Variants in EYA1 observed in about 807,000 individuals in gnomAD.
The protein encoded by EYA1 is EYA transcriptional coactivator and phosphatase 1, also known as protein phosphatase EYA1.
A neutral mutation model predicts 82.0 loss-of-function variants in EYA1; 16 were observed. The ratio of observed to expected loss-of-function variants is 0.20; its 90% CI spans 0.13 to 0.30. The LOEUF (loss-of-function observed/expected upper bound fraction) is 0.30. EYA1 is among the 10% of genes least tolerant of loss of function. The probability of loss-of-function intolerance (pLI) is 1.00; values close to 1 mark genes in which losing one functional copy is unlikely to be tolerated. For synonymous variants in EYA1, 261 were observed against 264.4 expected (o/e 0.99, Z 0.12); for missense variants, 633 against 730.7 (o/e 0.87, Z 1.54).
intron 11 of EYA1, among the ~76,000 whole-genome samples, chr8:71,264,692 C>T (rs1327117474): frequency 6.6e-6 from 1 of 151,862 alleles, no homozygotes; most frequent in Admixed American, 6.6e-5. Flanking sequence ...ATCCTCCTAC[C>T]TCAGCCCTCC....
chr8:71,339,384 C>A (rs552063457), intron 3 of EYA1, among the ~76,000 whole-genome samples: 1 of 152,282 alleles, frequency 6.6e-6, no homozygotes, highest in South Asian at 2.1e-4. Context: ...AGAACAGGTG[C>A]CATACATGCT....
chr8:71,432,789 G>A (rs1277590694), intron 2 of EYA1, among the ~76,000 whole-genome samples: 1 of 152,156 alleles, frequency 6.6e-6, no homozygotes, highest in Non-Finnish European at 1.5e-5. Flanking sequence ...CCTAACAGAT[G>A]CCTTTGAGTA....
At chr8:71,523,520 C>G (rs1478333227) in intron 2 of EYA1, among the ~76,000 whole-genome samples, 1 of 152,180 alleles carries the variant, frequency 6.6e-6, no homozygotes, top group Non-Finnish European at 1.5e-5. Flanking sequence ...GTGAAAGCCA[C>G]TAACCTCAGT....
At chr8:71,369,570 T>G (rs547374707) in intron 2 of EYA1, among the ~76,000 whole-genome samples, 6 of 152,356 alleles carry the variant, frequency 3.9e-5, no homozygotes, top group African/African-American at 1.2e-4. Flanking sequence ...ACTGCTATGG[T>G]AAAGCTCCCA....
intron 2 of EYA1, among the ~76,000 whole-genome samples, chr8:71,392,641 C>T (rs1829346309): frequency 6.6e-6 from 1 of 152,142 alleles, no homozygotes; most frequent in South Asian, 2.1e-4. Context: ...AATAATCATT[C>T]TCACCTGCTG....
At chr8:71,322,557 T>C (rs1301584797) in intron 4 of EYA1, 1 of 418,224 alleles carries the variant, frequency 2.4e-6, no homozygotes, top group Non-Finnish European at 4.5e-6. Context: ...GTTTTTACAG[T>C]GGCAATACTT....
Position 71,516,519 on chromosome 8 carries a change from G to A in EYA1, c.33+19225C>T, listed in dbSNP as rs117884701. Among the ~76,000 whole-genome samples, 1,421 of 152,244 alleles carry A rather than the reference G, an allele frequency of 9.3e-3. 14 individuals are homozygous for A. The highest frequency in any genetic ancestry group is 0.016 in the Non-Finnish European group (1,077 of 68,010). ...GCCAAAGAGGAAAATATGGCTTTTG[G>A]AACTCTGAGAGATGGTTCAAGATGA... On this transcript the variant is annotated intron_variant, in intron 2 of 18. Transcript: ENST00000643681.
chr8:71,506,921 A>G (rs545700841), intron 2 of EYA1, among the ~76,000 whole-genome samples: 1 of 136,274 alleles, frequency 7.3e-6, no homozygotes, highest in South Asian at 2.5e-4. Context: ...TTATATATAA[A>G]GGGCTAATCT....
intron 2 of EYA1, among the ~76,000 whole-genome samples, chr8:71,422,170 T>G (rs1586686126): frequency 1.3e-5 from 2 of 152,324 alleles, no homozygotes; most frequent in Middle Eastern, 6.8e-3. Context: ...AATGATCACT[T>G]TACTTTTATG....
chr8:71,264,366 C>G (rs1156422276), intron 11 of EYA1, among the ~76,000 whole-genome samples: 1 of 152,108 alleles, frequency 6.6e-6, no homozygotes, highest in African/African-American at 2.4e-5. Flanking sequence ...CCTCAAGGTA[C>G]TGAATGATCA....
At chr8:71,514,947 CATT>C (rs1030989206) in intron 2 of EYA1, among the ~76,000 whole-genome samples, 10 of 151,996 alleles carry the variant, frequency 6.6e-5, no homozygotes, top group African/African-American at 2.4e-4. Flanking sequence ...AACTGAAAAA[CATT>C]AGTAAAGAAG....
At chr8:71,383,198 C>G (rs1828805524) in intron 2 of EYA1, among the ~76,000 whole-genome samples, 1 of 151,936 alleles carries the variant, frequency 6.6e-6, no homozygotes, top group Admixed American at 6.6e-5. Context: ...ATTATAAACT[C>G]TGGCAATTCC....
intron 2 of EYA1, among the ~76,000 whole-genome samples, chr8:71,388,478 G>T (rs981979993): frequency 6.6e-6 from 1 of 152,186 alleles, no homozygotes; most frequent in African/African-American, 2.4e-5. Flanking sequence ...ACTTTACAAG[G>T]TGCTTATTAT....
At chr8:71,483,101 C>T (rs1810299023) in intron 2 of EYA1, among the ~76,000 whole-genome samples, 1 of 152,226 alleles carries the variant, frequency 6.6e-6, no homozygotes, top group Admixed American at 6.5e-5. Flanking sequence ...ACAAGTCAAA[C>T]TCTTTTAATG....
At chr8:71,477,067 A>C (rs1260165890) in intron 2 of EYA1, among the ~76,000 whole-genome samples, 1 of 152,146 alleles carries the variant, frequency 6.6e-6, no homozygotes, top group Non-Finnish European at 1.5e-5. Flanking sequence ...TCAAGACCTA[A>C]GATTAACTAA....
chr8:71,320,549 G>A (rs1822422696), intron 6 of EYA1, among the ~76,000 whole-genome samples: 2 of 152,120 alleles, frequency 1.3e-5, no homozygotes, highest in Admixed American at 1.3e-4. Flanking sequence ...AAGAGAGATA[G>A]TTTTAAAAAT....
At chr8:71,494,022 C>CAAAAAAAAAAAAAAAAAAAAA (rs34340467) in intron 2 of EYA1, among the ~76,000 whole-genome samples, 7 of 41,858 alleles carry the variant, frequency 1.7e-4, no homozygotes, top group East Asian at 8.8e-4. Context: ...GACTCCGTCT[C>CAAAAAAAAAAAAAAAAAAAAA]AAAAAAAAAA....
At chr8:71,324,084 T>G in intron 4 of EYA1, 1 of 152,224 alleles carries the variant, frequency 6.6e-6, no homozygotes, top group East Asian at 1.9e-4. Context: ...CCATTTATTC[T>G]TTCCTAGCTC....
Position 71,354,833 on chromosome 8 carries a change from G to T in EYA1, c.73C>A (p.Leu25Ile), listed in dbSNP as rs752696368. The change falls in exon 3 of 18, where the codon CTC (leucine) becomes ATC (isoleucine). Residue 25 changes from leucine (L) to isoleucine (I), a missense_variant. Leu to Ile is a conservative substitution (Grantham distance 5). Coordinates refer to ENST00000340726, the MANE Select transcript of EYA1 (RefSeq NM_000503.6). ...GSSESPSGPK[L>I]GNSHINSNSM... Reference sequence around the variant, plus strand: ...TTACTATTTATATGAGAGTTACCGAGTTTGGGGCCACTGGGGGATTCACTA... The same window carrying T: ...TTACTATTTATATGAGAGTTACCGATTTTGGGGCCACTGGGGGATTCACTA... 21 of 1,613,638 alleles carry T rather than the reference G, an allele frequency of 1.3e-5. No individual in the cohort carries two copies. The South Asian group carries it at 2.3e-4, about 18-fold the overall frequency.
Sources: allele counts gnomAD v4.1 joint callset (sites outside exome capture counted in the v4.1 genomes callset), GRCh38; gene constraint gnomAD v4.1.1; transcripts MANE v1.5; gene names NCBI Gene and HGNC (gene_info 2026-07-23, HGNC 2026-07-21).